EDDM13: variants seen among roughly 807,000 people sequenced by gnomAD.
The protein encoded by EDDM13 is epididymal protein 13.
In EDDM13, 24 loss-of-function variants were observed where a neutral mutation model predicts 17.8. The observed-to-expected ratio is 1.35, with a 90% confidence interval of 0.98 to 1.90. The LOEUF is 1.90. EDDM13 is among the 40% of genes most tolerant of loss of function. The probability of loss-of-function intolerance (pLI) is 0.00; values close to 1 mark genes in which losing one functional copy is unlikely to be tolerated. For synonymous variants in EDDM13, 31 were observed against 37.5 expected, an observed-to-expected ratio of 0.83 and a Z score of 0.63; for missense variants, 97 against 100.8, an observed-to-expected ratio of 0.96 and a Z score of 0.16.
intron 9 of EDDM13, among the ~76,000 whole-genome samples, chr19:56,292,932 A>G (rs191198634): frequency 6.6e-6 from 1 of 152,330 alleles, no homozygotes; most frequent in East Asian, 1.9e-4. Flanking sequence ...ACTCCATTGC[A>G]TGGATAGACT....
chr19:56,287,085 C>T (rs1195110387), intron 6 of EDDM13, among the ~76,000 whole-genome samples: 1 of 152,212 alleles, frequency 6.6e-6, no homozygotes, highest in African/African-American at 2.4e-5. Flanking sequence ...TCCATGGATT[C>T]TGGAGTCTAA....
chr19:56,294,550 G>A (rs1321930555), intron 9 of EDDM13, among the ~76,000 whole-genome samples: 1 of 152,168 alleles, frequency 6.6e-6, no homozygotes, highest in Non-Finnish European at 1.5e-5. Flanking sequence ...TCAGGGCCAG[G>A]TGGTCTCTGC....
chr19:56,298,496 C>CA (rs540467815), intron 12 of EDDM13, among the ~76,000 whole-genome samples: 28 of 151,450 alleles, frequency 1.8e-4, no homozygotes, highest in Middle Eastern at 3.4e-3. Flanking sequence ...ACTAAAAATA[C>CA]AAAAAAATTA....
intron 13 of EDDM13, among the ~76,000 whole-genome samples, chr19:56,303,469 A>G (rs1220101287): frequency 6.6e-6 from 1 of 151,800 alleles, no homozygotes; most frequent in African/African-American, 2.4e-5. Flanking sequence ...CTCTGTCTCA[A>G]AAAATTAAAG....
chr19:56,295,154 G>A (rs1303898886), intron 9 of EDDM13: 1 of 152,202 alleles, frequency 6.6e-6, no homozygotes, highest in East Asian at 1.9e-4. Flanking sequence ...CACTTGATGG[G>A]TGAGTCATAA....
At chr19:56,284,918 T>C (rs1438552206) in intron 5 of EDDM13, 80 bp from the exon 6 acceptor site, 2 of 708,560 alleles carry the variant, frequency 2.8e-6, no homozygotes, top group African/African-American at 1.9e-5. Flanking sequence ...GTTACATCTG[T>C]TGAACTGGGA....
chr19:56,299,917 G>A (rs917895720), intron 12 of EDDM13: 6 of 152,174 alleles, frequency 3.9e-5, no homozygotes, highest in Non-Finnish European at 5.9e-5. Flanking sequence ...ATCACCACTT[G>A]CATTTCACAT....
intron 5 of EDDM13, 45 bp downstream of exon 5, chr19:56,284,251 G>A (rs1193261923): frequency 2.2e-6 from 2 of 924,222 alleles, no homozygotes; most frequent in South Asian, 5.0e-5. Context: ...TGTGCACTTT[G>A]GCGGGAAATT....
At chr19:56,306,057 G>A (rs2040665081) in intron 14 of EDDM13, among the ~76,000 whole-genome samples, 1 of 152,136 alleles carries the variant, frequency 6.6e-6, no homozygotes, top group Admixed American at 6.5e-5. Flanking sequence ...GAAGATTAGA[G>A]CAAGCATTTT....
chr19:56,285,401 T>C (rs1218634200), intron 6 of EDDM13, among the ~76,000 whole-genome samples: 1 of 152,222 alleles, frequency 6.6e-6, no homozygotes, highest in Non-Finnish European at 1.5e-5. Flanking sequence ...GTCATACACA[T>C]GTATGTACAT....
At chr19:56,300,369 G>A (rs887681138) in intron 12 of EDDM13, among the ~76,000 whole-genome samples, 1 of 152,162 alleles carries the variant, frequency 6.6e-6, no homozygotes, top group African/African-American at 2.4e-5. Context: ...AAATTCACTT[G>A]GTTATTGGGA....
Position 56,286,114 on chromosome 19 carries a change from C to T in EDDM13, c.154+1090C>T, listed in dbSNP as rs564564434. On this transcript the variant is annotated intron_variant, in intron 6 of 14. Coordinates refer to ENST00000649256, the MANE Select transcript of EDDM13 (RefSeq NM_001354658.2). ...TCAGCTCATTGCAACCTCCGCCTCC[C>T]GGGTTCAAGCGATTCTCCTGCCTCA... is the stretch of plus-strand genomic sequence containing the variant. Among the ~76,000 whole-genome samples, 522 of 152,218 alleles carry T rather than the reference C, an allele frequency of 3.4e-3. 3 individuals are homozygous for T. Among genetic ancestry groups the T allele is most frequent in the African/African-American group, 0.012 (483 of 41,522 alleles).
In EDDM13 at chr19:56,304,494, A is replaced by G. The variant is rs555582679; in HGVS notation, c.424-299A>G. 2.0e-4 allele frequency among the ~76,000 whole-genome samples: 31 copies of G among 152,320 alleles called. No individual in the cohort carries two copies. The East Asian group carries it at 2.7e-3, about 13-fold the overall frequency. On this transcript the variant is annotated intron_variant, in intron 13 of 14. Transcript: ENST00000649256. ...CGGCCCAGGACAACACGCCACGACA[A>G]AAATAACCCAGGTCAAAACGTCAGG...
chr19:56,303,367 G>T (rs187673394), intron 13 of EDDM13, among the ~76,000 whole-genome samples: 8 of 151,962 alleles, frequency 5.3e-5, no homozygotes, highest in Admixed American at 5.2e-4. Flanking sequence ...AATCCCAGCT[G>T]CTCGGGAGGC....
intron 6 of EDDM13, among the ~76,000 whole-genome samples, chr19:56,286,869 C>A (rs1228017665): frequency 6.6e-6 from 1 of 152,232 alleles, no homozygotes; most frequent in Non-Finnish European, 1.5e-5. Flanking sequence ...AGTGGGGCTT[C>A]CCAATACATC....
At chr19:56,296,472 T>G (rs1189777380) in intron 11 of EDDM13, 110 bp downstream of exon 11, 1 of 152,252 alleles carries the variant, frequency 6.6e-6, no homozygotes, top group African/African-American at 2.4e-5. Flanking sequence ...CCTACACTCT[T>G]TATCCGTATC....
At chr19:56,281,073 T>C (rs149615839) in intron 2 of EDDM13, among the ~76,000 whole-genome samples, 1 of 152,360 alleles carries the variant, frequency 6.6e-6, no homozygotes, top group African/African-American at 2.4e-5. Context: ...ATATATTTTG[T>C]ATGTTACATA....
At chr19:56,296,583 G>A (rs1322969546) in intron 11 of EDDM13, among the ~76,000 whole-genome samples, 1 of 152,086 alleles carries the variant, frequency 6.6e-6, no homozygotes, top group African/African-American at 2.4e-5. Context: ...TGTTAGAGAT[G>A]CAGCAGAGGA....
chr19:56,303,174 C>A (rs1166416522), intron 13 of EDDM13, among the ~76,000 whole-genome samples: 1 of 152,080 alleles, frequency 6.6e-6, no homozygotes, highest in Non-Finnish European at 1.5e-5. Flanking sequence ...GAAAATAAGG[C>A]AGGGTGCAAG....
Sources: gnomAD v4.1 joint callset for allele counts (sites outside exome capture counted in the v4.1 genomes callset) on GRCh38, gnomAD v4.1.1 for gene constraint, MANE v1.5 for transcripts, NCBI Gene and HGNC (gene_info 2026-07-23, HGNC 2026-07-21) for gene names.